SUCLG2: variants seen among roughly 807,000 people sequenced by gnomAD.
SUCLG2 encodes succinate--CoA ligase [GDP-forming] subunit beta, mitochondrial.
Under a neutral mutation model 47.9 loss-of-function variants are expected in SUCLG2, and 42 were observed. The ratio of observed to expected loss-of-function variants is 0.88; its 90% CI spans 0.69 to 1.14. The LOEUF (loss-of-function observed/expected upper bound fraction) is 1.14, where lower values mean the gene tolerates loss of function less well. Ranked by LOEUF, SUCLG2 falls within the 50% of genes most tolerant of loss-of-function variation. The pLI is 0.00. For synonymous variants in SUCLG2, 195 were observed against 197.3 expected, an observed-to-expected ratio of 0.99 and a Z score of 0.10; for missense variants, 571 against 525.9, an observed-to-expected ratio of 1.09 and a Z score of -0.84.
intron 8 of SUCLG2, among the ~76,000 whole-genome samples, chr3:67,496,876 G>A (rs996670862): frequency 6.6e-6 from 1 of 151,640 alleles, no homozygotes; most frequent in Non-Finnish European, 1.5e-5. Context: ...CAATTCCCTA[G>A]AAAAGCCTAT....
In SUCLG2 at chr3:67,622,471, G is replaced by A. The variant is rs575760655; in HGVS notation, c.85-12875C>T. On this transcript the variant is annotated intron_variant, in intron 1 of 10. Coordinates refer to ENST00000307227, the MANE Select transcript of SUCLG2 (RefSeq NM_003848.4). ...TTCGATTTCATCACTTATACTTTAC[G>A]TCTTTTATTTTAAAGTGATCTGAGC... Among the ~76,000 whole-genome samples, 11 of 152,234 alleles carry A rather than the reference G, an allele frequency of 7.2e-5. No homozygotes were observed. In the South Asian group the frequency reaches 1.7e-3, roughly 23 times the overall value.
intron 2 of SUCLG2, among the ~76,000 whole-genome samples, chr3:67,584,353 A>AT (rs1271068135): frequency 6.6e-6 from 1 of 152,204 alleles, no homozygotes; most frequent in East Asian, 1.9e-4. Context: ...TAGGGACACA[A>AT]TGCAGATTAA....
At chr3:67,394,287 G>C (rs1299764444) in intron 10 of SUCLG2, among the ~76,000 whole-genome samples, 1 of 151,948 alleles carries the variant, frequency 6.6e-6, no homozygotes, top group African/African-American at 2.4e-5. Flanking sequence ...AAATTTAGAT[G>C]AATGTATAAC....
chr3:67,501,148 A>G (rs1182756823), intron 7 of SUCLG2, among the ~76,000 whole-genome samples: 1 of 152,184 alleles, frequency 6.6e-6, no homozygotes, highest in Non-Finnish European at 1.5e-5. Flanking sequence ...TAAACAACCT[A>G]ATTGGATCAT....
At chr3:67,641,916 C>T (rs1183876425) in intron 1 of SUCLG2, among the ~76,000 whole-genome samples, 1 of 152,184 alleles carries the variant, frequency 6.6e-6, no homozygotes, top group Non-Finnish European at 1.5e-5. Flanking sequence ...TCTTGGCTTG[C>T]AAAAGCATCA....
At chr3:67,556,775 A>T (rs1464900458) in intron 2 of SUCLG2, among the ~76,000 whole-genome samples, 3 of 152,210 alleles carry the variant, frequency 2.0e-5, no homozygotes, top group Admixed American at 2.0e-4. Flanking sequence ...GTTACCAAGG[A>T]CAACATGTTT....
chr3:67,377,904 G>A (rs1293779148), intron 10 of SUCLG2, among the ~76,000 whole-genome samples: 1 of 152,046 alleles, frequency 6.6e-6, no homozygotes, highest in Non-Finnish European at 1.5e-5. Context: ...TCCATCTGCC[G>A]TGGCCTCCCA....
At chr3:67,417,859 G>A (rs1423278379) in intron 9 of SUCLG2, among the ~76,000 whole-genome samples, 1 of 152,192 alleles carries the variant, frequency 6.6e-6, no homozygotes, top group Admixed American at 6.5e-5. Flanking sequence ...TCCTTTGCAA[G>A]GTGGCCCATT....
At chr3:67,511,767 T>A (rs982627712) in intron 6 of SUCLG2, among the ~76,000 whole-genome samples, 7 of 152,038 alleles carry the variant, frequency 4.6e-5, no homozygotes, top group African/African-American at 1.7e-4. Context: ...CATCTTATTT[T>A]TTTTGTGTGA....
chr3:67,579,479 T>G (rs1173592821), intron 2 of SUCLG2, among the ~76,000 whole-genome samples: 1 of 152,198 alleles, frequency 6.6e-6, no homozygotes, highest in Non-Finnish European at 1.5e-5. Context: ...TTTTTAAAAA[T>G]CTTATTACTC....
At chr3:67,504,883 A>G (rs962315269) in intron 7 of SUCLG2, among the ~76,000 whole-genome samples, 1 of 152,172 alleles carries the variant, frequency 6.6e-6, no homozygotes, top group South Asian at 2.1e-4. Flanking sequence ...ATGATAAAAC[A>G]TTGCTTCTTG....
chr3:67,564,318 T>C lies in SUCLG2; in HGVS notation c.227-35132A>G, dbSNP rs556782550. On this transcript the variant is annotated intron_variant, in intron 2 of 10. Transcript: ENST00000307227. ...TACAGGGCTCACTAGCTTTCCCCCCTCCCCTCGCTATTAATAGTACTCACT... is the reference window on the plus strand; with the variant it reads ...TACAGGGCTCACTAGCTTTCCCCCCCCCCCTCGCTATTAATAGTACTCACT... Among the ~76,000 whole-genome samples the C allele has an allele frequency of 3.2e-3, 484 of 150,948 alleles. 4 individuals carry two copies. The East Asian group carries it at 0.035, about 11-fold the overall frequency.
chr3:67,626,021 T>C (rs1424089435), intron 1 of SUCLG2, among the ~76,000 whole-genome samples: 1 of 133,008 alleles, frequency 7.5e-6, no homozygotes, highest in Non-Finnish European at 1.7e-5. Flanking sequence ...TATATATATT[T>C]ACATTTTTTT....
intron 9 of SUCLG2, among the ~76,000 whole-genome samples, chr3:67,430,221 T>C (rs1703439119): frequency 6.6e-6 from 1 of 151,892 alleles, no homozygotes; most frequent in African/African-American, 2.4e-5. Flanking sequence ...CATCAGCAAA[T>C]GAAAAGAAAA....
At chr3:67,368,178 C>A (rs963755591) in intron 10 of SUCLG2, among the ~76,000 whole-genome samples, 1 of 152,124 alleles carries the variant, frequency 6.6e-6, no homozygotes, top group Non-Finnish European at 1.5e-5. Flanking sequence ...CTTTTGGTAT[C>A]AAAAATGGCT....
chr3:67,617,233 G>C (rs182860598), intron 1 of SUCLG2, among the ~76,000 whole-genome samples: 9 of 152,308 alleles, frequency 5.9e-5, no homozygotes, highest in Admixed American at 5.2e-4. Flanking sequence ...TCCGGTAAAA[G>C]AGATTAAGTG....
At chr3:67,480,041 G>T (rs1399169783) in intron 9 of SUCLG2, among the ~76,000 whole-genome samples, 1 of 152,114 alleles carries the variant, frequency 6.6e-6, no homozygotes, top group Non-Finnish European at 1.5e-5. Context: ...AATATAAGGG[G>T]TTATAAAGCG....
At chr3:67,514,428 G>T in intron 6 of SUCLG2, 1 of 266,850 alleles carries the variant, frequency 3.7e-6, no homozygotes, top group East Asian at 9.3e-5. Context: ...TTGCATTCCA[G>T]AAATTATCAT....
At position 67,596,536 on chromosome 3, in the gene SUCLG2, T is replaced by C. The variant is rs114872700; in HGVS notation, c.226+12919A>G. Among the ~76,000 whole-genome samples the C allele has an allele frequency of 1.9e-3, 288 of 152,276 alleles. 1 individual carries two copies. The highest frequency in any genetic ancestry group is 6.6e-3 in the African/African-American group (276 of 41,560). On this transcript the variant is annotated intron_variant, in intron 2 of 10. Transcript: ENST00000307227. ...CATTTACAGTGGAATAGGCATCCCT[T>C]TTCCCTGCGTGCCATGACATCTGGG...
Sources: gnomAD v4.1 joint callset for allele counts (sites outside exome capture counted in the v4.1 genomes callset) on GRCh38, gnomAD v4.1.1 for gene constraint, MANE v1.5 for transcripts, NCBI Gene and HGNC (gene_info 2026-07-23, HGNC 2026-07-21) for gene names.